Variants in SYNPR observed in about 807,000 individuals in gnomAD.
The protein encoded by SYNPR is synaptoporin.
Under a neutral mutation model 32.9 loss-of-function variants are expected in SYNPR, and 23 were observed. The observed-to-expected ratio is 0.70, with a 90% confidence interval of 0.50 to 0.99. The LOEUF is 0.99. SYNPR is among the 50% of genes least tolerant of loss of function. The pLI, the probability that SYNPR is intolerant of heterozygous loss-of-function variation, is 0.00. For missense variants in SYNPR, 318 were observed against 349.3 expected (o/e 0.91, Z 0.71); for synonymous variants, 146 against 135.9 (o/e 1.07, Z -0.52).
At chr3:63,324,822 C>T (rs2087149157) in intron 2 of SYNPR, among the ~76,000 whole-genome samples, 1 of 151,994 alleles carries the variant, frequency 6.6e-6, no homozygotes, top group African/African-American at 2.4e-5. Context: ...GCTGCAGCCA[C>T]CCAGAATTAG....
intron 3 of SYNPR, among the ~76,000 whole-genome samples, chr3:63,540,780 G>C (rs746555144): frequency 6.6e-6 from 1 of 151,846 alleles, no homozygotes; most frequent in Non-Finnish European, 1.5e-5. Flanking sequence ...TGCTAGAGGA[G>C]AGACACATAC....
At chr3:63,344,034 G>T (rs1222429297) in intron 2 of SYNPR, among the ~76,000 whole-genome samples, 1 of 152,224 alleles carries the variant, frequency 6.6e-6, no homozygotes, top group African/African-American at 2.4e-5. Context: ...TCGCTCATAT[G>T]CTGTTCAGAG....
intron 4 of SYNPR, among the ~76,000 whole-genome samples, chr3:63,581,694 A>T (rs1703095561): frequency 6.6e-6 from 1 of 152,048 alleles, no homozygotes; most frequent in Non-Finnish European, 1.5e-5. Context: ...AATACAAACC[A>T]ACACCTTTAT....
intron 4 of SYNPR, among the ~76,000 whole-genome samples, chr3:63,561,021 G>A (rs1490952916): frequency 6.6e-6 from 1 of 152,118 alleles, no homozygotes; most frequent in African/African-American, 2.4e-5. Context: ...TGTAATTTGT[G>A]ATTCTTCAAG....
At position 63,307,531 on chromosome 3, in the gene SYNPR, C is replaced by T. The variant is rs183130047; in HGVS notation, c.84+28789C>T. On this transcript the variant is annotated intron_variant, in intron 2 of 5. Transcript: ENST00000478300. Reference sequence around the variant, plus strand: ...GACATTGTAATTTCAGCAATGTTTCCTTCTCCTCTTGGCTTGCTCTTTAAT... The same window carrying T: ...GACATTGTAATTTCAGCAATGTTTCTTTCTCCTCTTGGCTTGCTCTTTAAT... Among the ~76,000 whole-genome samples the T allele has an allele frequency of 7.2e-5, 11 of 151,984 alleles. No homozygotes were observed. The East Asian group carries it at 1.6e-3, about 21-fold the overall frequency.
intron 2 of SYNPR, among the ~76,000 whole-genome samples, chr3:63,390,708 T>A (rs1379504896): frequency 1.3e-5 from 2 of 152,216 alleles, no homozygotes; most frequent in Non-Finnish European, 2.9e-5. Flanking sequence ...TTATTTTTTT[T>A]AACTGTCTTA....
intron 3 of SYNPR, among the ~76,000 whole-genome samples, chr3:63,490,327 G>C (rs1701235796): frequency 6.6e-6 from 1 of 152,108 alleles, no homozygotes; most frequent in South Asian, 2.1e-4. Context: ...GATCCTGTAG[G>C]GTGCTGTGGG....
At chr3:63,318,081 C>T (rs2087061839) in intron 2 of SYNPR, among the ~76,000 whole-genome samples, 1 of 151,990 alleles carries the variant, frequency 6.6e-6, no homozygotes, top group Non-Finnish European at 1.5e-5. Context: ...GAAGATAGGG[C>T]CCCAATTCTT....
At chr3:63,434,156 T>C (rs1167268470) in intron 2 of SYNPR, among the ~76,000 whole-genome samples, 1 of 152,218 alleles carries the variant, frequency 6.6e-6, no homozygotes, top group African/African-American at 2.4e-5. Flanking sequence ...ACCCACGCCT[T>C]ATTTTATTAA....
chr3:63,348,818 T>C (rs1300471209), intron 2 of SYNPR, among the ~76,000 whole-genome samples: 1 of 152,222 alleles, frequency 6.6e-6, no homozygotes, highest in Non-Finnish European at 1.5e-5. Context: ...TTTGTGACTT[T>C]GTCAAAAATC....
chr3:63,455,756 G>GGTGTATGT (rs1553637950), intron 2 of SYNPR, among the ~76,000 whole-genome samples: 2 of 144,282 alleles, frequency 1.4e-5, no homozygotes, highest in Non-Finnish European at 3.0e-5. Flanking sequence ...TCATGTTTGG[G>GGTGTATGT]GTGTGTGTGT....
intron 3 of SYNPR, among the ~76,000 whole-genome samples, chr3:63,525,498 C>G (rs1434403436): frequency 6.6e-6 from 1 of 152,186 alleles, no homozygotes; most frequent in African/African-American, 2.4e-5. Context: ...CTTCCCTGAC[C>G]ATATTTCCCT....
At chr3:63,499,701 G>A (rs1466249508) in intron 3 of SYNPR, among the ~76,000 whole-genome samples, 1 of 152,116 alleles carries the variant, frequency 6.6e-6, no homozygotes, top group Non-Finnish European at 1.5e-5. Flanking sequence ...AGCTGCCTCT[G>A]TATTTCTTAC....
chr3:63,336,945 T>G (rs1170790825), intron 2 of SYNPR, among the ~76,000 whole-genome samples: 1 of 151,944 alleles, frequency 6.6e-6, no homozygotes, highest in African/African-American at 2.4e-5. Context: ...GATATGTCCA[T>G]GAAAGGTCAG....
At chr3:63,484,445 A>C (rs967938345) in intron 3 of SYNPR, among the ~76,000 whole-genome samples, 1 of 152,134 alleles carries the variant, frequency 6.6e-6, no homozygotes. Flanking sequence ...TAGAAAGCCT[A>C]CTCTAGGAAT....
At chr3:63,369,699 G>A (rs575320535) in intron 2 of SYNPR, among the ~76,000 whole-genome samples, 76 of 152,336 alleles carry the variant, frequency 5.0e-4, no homozygotes, top group Non-Finnish European at 9.4e-4. Flanking sequence ...GTGTGAAGGC[G>A]AAGCAGAGAG....
At chr3:63,355,106 C>G (rs895696131) in intron 2 of SYNPR, among the ~76,000 whole-genome samples, 5 of 151,976 alleles carry the variant, frequency 3.3e-5, no homozygotes, top group Non-Finnish European at 5.9e-5. Flanking sequence ...TGGTAAAACC[C>G]CGTCTCTACT....
chr3:63,203,076 A>ATATATATATATATG, the SYNPR span: 2 of 35,474 alleles, frequency 5.6e-5, no homozygotes, highest in Non-Finnish European at 1.5e-4. Flanking sequence ...GTGTATATAT[A>ATATATATATATATG]TATATATATA....
chr3:63,524,765 A>G (rs992944780), intron 3 of SYNPR, among the ~76,000 whole-genome samples: 6 of 151,866 alleles, frequency 4.0e-5, no homozygotes, highest in African/African-American at 1.2e-4. Context: ...ATCCAATGCT[A>G]TGCTATTTTT....
Sources: gnomAD v4.1 joint callset for allele counts (sites outside exome capture counted in the v4.1 genomes callset) on GRCh38, gnomAD v4.1.1 for gene constraint, MANE v1.5 for transcripts, NCBI Gene and HGNC (gene_info 2026-07-23, HGNC 2026-07-21) for gene names.